Variants in GK5 observed in about 807,000 individuals in gnomAD.
GK5 encodes the protein ATP:glycerol 3-phosphotransferase 5.
Under a neutral mutation model 77.3 loss-of-function variants are expected in GK5, and 39 were observed. The ratio of observed to expected loss-of-function variants is 0.50; its 90% CI spans 0.39 to 0.66. GK5 has a LOEUF of 0.66. Among genes scored for constraint, GK5 ranks in the 30% least tolerant of loss-of-function variants. The probability of loss-of-function intolerance (pLI) is 0.00; values close to 1 mark genes in which losing one functional copy is unlikely to be tolerated. For missense variants in GK5, 487 were observed against 633.8 expected (o/e 0.77, Z 2.49); for synonymous variants, 211 against 208.0 (o/e 1.01, Z -0.13).
Position 142,204,772 on chromosome 3 carries a change from A to G in GK5, c.334T>C (p.Phe112Leu), listed in dbSNP as rs564588562. 8 of 1,560,334 alleles carry G rather than the reference A, an allele frequency of 5.1e-6. No individual in the cohort carries two copies. The highest frequency in any genetic ancestry group is 2.7e-5 in the African/African-American group (2 of 72,836). Residue 112 changes from phenylalanine (F) to leucine (L), a missense_variant, in exon 4 of 16, where the codon TTT (phenylalanine) becomes CTT (leucine). By Grantham distance (22) the Phe-to-Leu change is conservative. Around this residue, in one of 4 missense-constraint regions of GK5, gnomAD observed 323 missense variants for 437.4 expected, o/e 0.74. Transcript: ENST00000392993. ...TCTTGCCAACTTATAAAGTTGTGAA[A>G]ATGATTTCCTGTTTTCCTAGAAAGA... The part of the protein sequence containing the change: ...ITWNKKTGNH[F>L]HNFISWQDLR...
rs2063408762 is a variant in GK5 at position 142,159,610 on chromosome 3, G to A, written c.*6012C>T. The A allele has an allele frequency of 6.7e-6, 1 of 149,616 alleles. No individual in the cohort carries two copies. Among genetic ancestry groups the A allele is most frequent in the South Asian group, 2.1e-4 (1 of 4,726 alleles). The allele number at this position is 149,616 out of a possible 1,614,324, so 9.3% of individuals were successfully genotyped here. A position where few individuals can be genotyped will look rare whatever the true frequency, so the allele number is the denominator to read the frequency against. On this transcript the variant is annotated 3_prime_UTR_variant, in exon 16 of 16. Transcript: ENST00000392993. ...TAGATGCTGGTGCCAAAATATTTATGGCTATGAGGCTTCAAAACTTAAAAA... is the reference window on the plus strand; with the variant it reads ...TAGATGCTGGTGCCAAAATATTTATAGCTATGAGGCTTCAAAACTTAAAAA...
intron 14 of GK5, 62 bp from the exon 15 acceptor site, chr3:142,170,520 G>A: frequency 7.3e-7 from 1 of 1,366,940 alleles, no homozygotes; most frequent in South Asian, 1.5e-5. Flanking sequence ...TTTTTCAGTG[G>A]GCCACATTTT....
chr3:142,212,824 A>ATTTTCTTTTTTTTTTTTTTTTTT (rs144621759), intron 3 of GK5, among the ~76,000 whole-genome samples: 2 of 129,932 alleles, frequency 1.5e-5, no homozygotes, highest in African/African-American at 3.0e-5. Flanking sequence ...ATAGACAAAT[A>ATTTTCTTTTTTTTTTTTTTTTTT]TTTTCTTTTT....
intron 1 of GK5, among the ~76,000 whole-genome samples, chr3:142,223,005 A>T (rs1173423383): frequency 6.6e-6 from 1 of 152,160 alleles, no homozygotes; most frequent in Admixed American, 6.5e-5. Flanking sequence ...TTAATCTACG[A>T]CTGTGCTTTA....
intron 3 of GK5, among the ~76,000 whole-genome samples, chr3:142,213,112 G>C (rs890671583): frequency 6.6e-6 from 1 of 152,166 alleles, no homozygotes; most frequent in South Asian, 2.1e-4. Context: ...GGGATTACAG[G>C]CGTGAGCCAC....
At position 142,160,155 on chromosome 3, in the gene GK5, CTCT is replaced by C. The variant is rs1447865969; in HGVS notation, c.*5464_*5466del. 1 of 152,154 alleles carries C rather than the reference CTCT, an allele frequency of 6.6e-6. No individual in the cohort carries two copies. Among genetic ancestry groups the C allele is most frequent in the Non-Finnish European group, 1.5e-5 (1 of 68,184 alleles). The allele number at this position is 152,154 out of a possible 1,614,324, so 9.4% of individuals were successfully genotyped here. A position where few individuals can be genotyped will look rare whatever the true frequency, so the allele number is the denominator to read the frequency against. On this transcript the variant is annotated 3_prime_UTR_variant, in exon 16 of 16. Transcript: ENST00000392993. ...GAGCCACTACACCTGGCCTTTTTCTCTCTTTTTTTAAATTGAGATGGGTGGGGT... is the reference window on the plus strand; with the variant it reads ...GAGCCACTACACCTGGCCTTTTTCTCTTTTTTAAATTGAGATGGGTGGGGT...
At chr3:142,185,098 G>C in intron 9 of GK5, 1 of 985,326 alleles carries the variant, frequency 1.0e-6, no homozygotes. Flanking sequence ...GAAATCAAAG[G>C]CAATGTGAAA....
rs545031457 is a variant in GK5 at position 142,192,556 on chromosome 3, G to A, written c.544-4777C>T. 8.6e-4 allele frequency among the ~76,000 whole-genome samples: 131 copies of A among 152,276 alleles called. 1 individual carries two copies. Among genetic ancestry groups the A allele is most frequent in the African/African-American group, 3.0e-3 (126 of 41,554 alleles). On this transcript the variant is annotated intron_variant, in intron 5 of 15. Coordinates refer to ENST00000392993, the MANE Select transcript of GK5 (RefSeq NM_001039547.3). ...AGGCAGGTGGATCACTTAAGGTCGG[G>A]AGGTCGAGAGCAGCCTGGCCAACAT...
chr3:142,171,093 T>C (rs2063530521), intron 14 of GK5, among the ~76,000 whole-genome samples: 1 of 151,950 alleles, frequency 6.6e-6, no homozygotes, highest in Admixed American at 6.6e-5. Context: ...TAGCTGGGCG[T>C]GGTGGTGCAT....
intron 11 of GK5, among the ~76,000 whole-genome samples, chr3:142,178,057 C>G (rs1481127957): frequency 6.6e-6 from 1 of 151,924 alleles, no homozygotes; most frequent in African/African-American, 2.4e-5. Flanking sequence ...GGGGTTTCTC[C>G]ATGTTGGTCA....
intron 1 of GK5, among the ~76,000 whole-genome samples, chr3:142,225,102 G>C (rs944693624): frequency 6.6e-6 from 1 of 152,212 alleles, no homozygotes; most frequent in Non-Finnish European, 1.5e-5. Flanking sequence ...TGGACAGGAA[G>C]GGCGCGCGGG....
chr3:142,167,345 G>A (rs2063484966), intron 15 of GK5, among the ~76,000 whole-genome samples: 1 of 151,788 alleles, frequency 6.6e-6, no homozygotes. Context: ...CTGCACTCCA[G>A]CTTGGGCTAC....
intron 11 of GK5, among the ~76,000 whole-genome samples, chr3:142,179,005 G>A (rs907675242): frequency 6.6e-6 from 1 of 152,132 alleles, no homozygotes; most frequent in Non-Finnish European, 1.5e-5. Context: ...TTTCCCTGCT[G>A]ACTAATAAAG....
intron 3 of GK5, among the ~76,000 whole-genome samples, chr3:142,210,930 C>CTCCACTTTCATCCA (rs61617519): frequency 0.036 from 5,550 of 152,322 alleles, 333 homozygotes; most frequent in African/African-American, 0.13. Context: ...ATACTCCTCC[C>CTCCACTTTCATCCA]TCCACTTTCA....
chr3:142,182,063 A>T (rs1248153087), intron 10 of GK5, among the ~76,000 whole-genome samples: 1 of 152,192 alleles, frequency 6.6e-6, no homozygotes, highest in Non-Finnish European at 1.5e-5. Context: ...CCATCTTCCT[A>T]GTTAGGGGAA....
At chr3:142,191,630 A>C (rs1235675686) in intron 5 of GK5, among the ~76,000 whole-genome samples, 1 of 151,814 alleles carries the variant, frequency 6.6e-6, no homozygotes, top group Non-Finnish European at 1.5e-5. Context: ...TTGAAGTTAG[A>C]AGTTCAAGAC....
chr3:142,177,485 T>C lies in GK5; in HGVS notation c.1140A>G (p.Leu380=). 4 of 1,581,792 alleles carry C rather than the reference T, an allele frequency of 2.5e-6. No homozygotes were observed. The highest frequency in any genetic ancestry group is 1.1e-5 in the South Asian group (1 of 89,580). The part of the protein sequence containing the change: ...GVCFVPSFSG[L]QAPLNDPWAC... Reference sequence around the variant, plus strand: ...ATTAACTTTAAAAAATACATACCTGTAATCCACTAAAAGATGGAACAAAAC... The same window carrying C: ...ATTAACTTTAAAAAATACATACCTGCAATCCACTAAAAGATGGAACAAAAC... The change falls in exon 12 of 16, where the codon TTA becomes TTG. Residue 380 remains leucine (L), a synonymous_variant. Transcript: ENST00000392993.
intron 15 of GK5, among the ~76,000 whole-genome samples, chr3:142,166,897 T>G (rs1371091431): frequency 6.6e-6 from 1 of 152,192 alleles, no homozygotes; most frequent in Non-Finnish European, 1.5e-5. Context: ...TTAGTAAGCT[T>G]GGCACATTTC....
Position 142,161,094 on chromosome 3 carries a change from T to A in GK5, c.*4528A>T. 1.3e-5 allele frequency: 2 copies of A among 151,968 alleles called. No individual in the cohort carries two copies. Among genetic ancestry groups the A allele is most frequent in the South Asian group, 4.2e-4 (2 of 4,798 alleles). 9.4% of individuals were successfully genotyped at this position (151,968 alleles called of 1,614,324 possible). A position where few individuals can be genotyped will look rare whatever the true frequency, so the allele number is the denominator to read the frequency against. On this transcript the variant is annotated 3_prime_UTR_variant, in exon 16 of 16. Coordinates refer to ENST00000392993, the MANE Select transcript of GK5 (RefSeq NM_001039547.3). ...GTAGTTCTTCTTTTGTTTTTTTGTT[T>A]TTGTTTTTGTTTTTGTTTTTTTGAA...
Sources: gnomAD v4.1 joint callset for allele counts (sites outside exome capture counted in the v4.1 genomes callset) on GRCh38, gnomAD v4.1.1 for gene constraint, gnomAD v4.1.1 regional missense constraint, MANE v1.5 for transcripts, NCBI Gene and HGNC (gene_info 2026-07-23, HGNC 2026-07-21) for gene names.